ITFG2: variants seen among roughly 807,000 people sequenced by gnomAD.
ITFG2 encodes KICSTOR complex protein ITFG2.
A neutral mutation model predicts 54.4 loss-of-function variants in ITFG2; 36 were observed. The ratio of observed to expected loss-of-function variants is 0.66; its 90% CI spans 0.51 to 0.87. The LOEUF is 0.87. Among genes scored for constraint, ITFG2 ranks in the 40% least tolerant of loss-of-function variants. The pLI, the probability that ITFG2 is intolerant of heterozygous loss-of-function variation, is 0.00. For synonymous variants in ITFG2, 211 were observed against 225.4 expected, an observed-to-expected ratio of 0.94 and a Z score of 0.57; for missense variants, 524 against 576.7, an observed-to-expected ratio of 0.91 and a Z score of 0.94.
intron 2 of ITFG2, among the ~76,000 whole-genome samples, chr12:2,851,995 A>T (rs1158527754): frequency 6.6e-6 from 1 of 152,252 alleles, no homozygotes; most frequent in African/African-American, 2.4e-5. Flanking sequence ...ATTTATTTTT[A>T]AAATGAGGTA....
upstream of ITFG2, chr12:2,836,651 C>G (rs1191313063): frequency 6.6e-6 from 1 of 152,258 alleles, no homozygotes; most frequent in Non-Finnish European, 1.5e-5. Flanking sequence ...AGAAGGCGAC[C>G]TCATTTGGAG....
intron 8 of ITFG2, 36 bp downstream of exon 8, chr12:2,821,632 G>T (rs370620414): frequency 4.3e-6 from 7 of 1,613,962 alleles, no homozygotes; most frequent in Non-Finnish European, 5.9e-6. Flanking sequence ...GGGGCTGTAT[G>T]CCTGTAGGGT....
intron 2 of ITFG2, among the ~76,000 whole-genome samples, chr12:2,847,660 G>A (rs1241499139): frequency 2.5e-5 from 3 of 122,162 alleles, no homozygotes; most frequent in African/African-American, 7.0e-5. Flanking sequence ...GAGTAAGACT[G>A]TCCAAAAAAA....
At chr12:2,828,317 G>C, downstream of ITFG2, 1 of 1,612,322 alleles carries the variant, frequency 6.2e-7, no homozygotes, top group Non-Finnish European at 8.5e-7. Context: ...TTGCTTGTTT[G>C]GGCCACATTC....
chr12:2,838,108 T>C (rs2098032918), intron 1 of ITFG2, among the ~76,000 whole-genome samples: 1 of 152,176 alleles, frequency 6.6e-6, no homozygotes, highest in Non-Finnish European at 1.5e-5. Context: ...CCACCATATG[T>C]TTGCTTGGGA....
At chr12:2,856,377 T>G (rs957155108) in intron 2 of ITFG2, among the ~76,000 whole-genome samples, 6 of 152,174 alleles carry the variant, frequency 3.9e-5, no homozygotes, top group African/African-American at 1.4e-4. Flanking sequence ...GATGTTTTCT[T>G]TTTTTAGATG....
chr12:2,855,568 C>CTTCTGCGTCCTCAT, intron 2 of ITFG2: 1 of 731,172 alleles, frequency 1.4e-6, no homozygotes, highest in Non-Finnish European at 2.0e-6. Context: ...CTCATGAGGA[C>CTTCTGCGTCCTCAT]GCAGAAGTCC....
chr12:2,817,533 T>C (rs1270373526), intron 2 of ITFG2: 7 of 569,984 alleles, frequency 1.2e-5, no homozygotes, highest in African/African-American at 5.6e-5. Flanking sequence ...CTGGGGTGTT[T>C]TTGTGTCGTG....
At position 2,824,106 on chromosome 12, in the gene ITFG2, T is replaced by C; in HGVS notation, c.1257T>C (p.Pro419=). The C allele has an allele frequency of 6.2e-7, 1 of 1,614,078 alleles. No individual in the cohort carries two copies. The highest frequency in any genetic ancestry group is 8.5e-7 in the Non-Finnish European group (1 of 1,180,022). The change falls in exon 12 of 12, where the codon CCT becomes CCC. Residue 419 remains proline (P), a synonymous_variant. Transcript: ENST00000228799. ...GGCTCTCAGATCCTGACGACCTCCCTGTGACTCGTGCCCTGCTTCACCAAA... is the reference window on the plus strand; with the variant it reads ...GGCTCTCAGATCCTGACGACCTCCCCGTGACTCGTGCCCTGCTTCACCAAA... ...QELGVDPDDL[P]VTRALLHQTL...
chr12:2,836,198 A>T (rs1398483021), upstream of ITFG2, among the ~76,000 whole-genome samples: 2 of 152,194 alleles, frequency 1.3e-5, no homozygotes, highest in Admixed American at 1.3e-4. Context: ...ATATTGCCAG[A>T]GTGTTTTTAC....
rs746608531 is a variant in ITFG2 at position 2,822,943 on chromosome 12, C to T, written c.1066+32C>T. ...CCCGCCCCCATGGCCCCTTTCTAAC[C>T]ACACTTAAGTTAGATAGGCGTGTTA... is the stretch of plus-strand genomic sequence containing the variant. On this transcript the variant is annotated intron_variant, in intron 10 of 11. Coordinates refer to ENST00000228799, the MANE Select transcript of ITFG2 (RefSeq NM_018463.4). 3.9e-6 allele frequency: 6 copies of T among 1,531,380 alleles called. No homozygotes were observed. In the East Asian group the frequency reaches 1.3e-4, roughly 34 times the overall value. The allele number at this position is 1,531,380 out of a possible 1,614,324, so 94.9% of individuals were successfully genotyped here.
At chr12:2,843,109 A>G (rs962875566) in intron 2 of ITFG2, among the ~76,000 whole-genome samples, 10 of 152,178 alleles carry the variant, frequency 6.6e-5, no homozygotes, top group African/African-American at 2.4e-4. Context: ...CCTGCCACAT[A>G]AGGAAATTCC....
chr12:2,840,674 T>C (rs957613579), intron 1 of ITFG2, among the ~76,000 whole-genome samples: 3 of 151,988 alleles, frequency 2.0e-5, no homozygotes, highest in African/African-American at 7.3e-5. Flanking sequence ...TAGTCCCAGC[T>C]ACTCGGGAGG....
intron 1 of ITFG2, among the ~76,000 whole-genome samples, chr12:2,815,876 G>GT (rs917040496): frequency 6.6e-6 from 1 of 152,014 alleles, no homozygotes; most frequent in Non-Finnish European, 1.5e-5. Flanking sequence ...GTTTTGTTTT[G>GT]TTTTTTGAGA....
chr12:2,814,288 T>C (rs1171393045), intron 1 of ITFG2, among the ~76,000 whole-genome samples: 1 of 152,242 alleles, frequency 6.6e-6, no homozygotes, highest in Non-Finnish European at 1.5e-5. Context: ...CAGATATACA[T>C]TATTTTCCAT....
upstream of ITFG2, chr12:2,834,888 C>G: frequency 9.3e-6 from 15 of 1,613,820 alleles, no homozygotes; most frequent in Non-Finnish European, 1.2e-5. Context: ...TCACCGAGTC[C>G]TCTCTGCTTC....
chr12:2,850,636 C>T (rs771107148), intron 2 of ITFG2, among the ~76,000 whole-genome samples: 4 of 151,448 alleles, frequency 2.6e-5, no homozygotes, highest in African/African-American at 4.9e-5. Context: ...TGCTCACTGA[C>T]TGATCCAGAG....
chr12:2,822,492 T>C (rs1273983099), intron 9 of ITFG2, among the ~76,000 whole-genome samples: 1 of 152,194 alleles, frequency 6.6e-6, no homozygotes, highest in South Asian at 2.1e-4. Context: ...GGCTATACTT[T>C]ATATTGCCAT....
chr12:2,825,621 G>C (rs945137725), downstream of ITFG2: 1 of 153,208 alleles, frequency 6.5e-6, no homozygotes, highest in African/African-American at 2.4e-5. Context: ...AGGCAGCTGA[G>C]AAAGGGCAGG....
Sources: allele counts gnomAD v4.1 joint callset (sites outside exome capture counted in the v4.1 genomes callset), GRCh38; gene constraint gnomAD v4.1.1; transcripts MANE v1.5; gene names NCBI Gene and HGNC (gene_info 2026-07-23, HGNC 2026-07-21).